Variants in LRRC8A observed in about 807,000 individuals in gnomAD.
LRRC8A encodes volume-regulated anion channel subunit LRRC8A.
LRRC8A carries 24 observed loss-of-function variants against 52.5 expected under a neutral mutation model. That is an observed-to-expected ratio of 0.46 (90% CI 0.33 to 0.64). LRRC8A has a LOEUF of 0.64. Ranked by LOEUF, LRRC8A falls within the 30% of genes least tolerant of loss-of-function variation. The probability of loss-of-function intolerance (pLI) is 0.02; values close to 1 mark genes in which losing one functional copy is unlikely to be tolerated. For synonymous variants in LRRC8A, 492 were observed against 494.2 expected (o/e 1.00, Z 0.06); for missense variants, 677 against 1,094.7 (o/e 0.62, Z 5.38).
intron 3 of LRRC8A, among the ~76,000 whole-genome samples, chr9:128,913,987 C>T (rs1840682620): frequency 6.6e-6 from 1 of 152,114 alleles, no homozygotes; most frequent in African/African-American, 2.4e-5. Context: ...GGCAGATCAC[C>T]TGAGGTCAGG....
chr9:128,902,796 G>A lies in LRRC8A; in HGVS notation c.-8-4361G>A, dbSNP rs1017606573. On this transcript the variant is annotated intron_variant, in intron 2 of 3. Transcript: ENST00000372600. The surrounding 1 kb of genome is among the most constrained non-coding windows in gnomAD (Gnocchi z 4.1). ...GACCCACCTGGTCATTAGAGGGCCCGGGCCTTCCTGTGGGGCGGGTGCTTG... is the reference window on the plus strand; with the variant it reads ...GACCCACCTGGTCATTAGAGGGCCCAGGCCTTCCTGTGGGGCGGGTGCTTG... Among the ~76,000 whole-genome samples the A allele has an allele frequency of 5.9e-5, 9 of 152,034 alleles. No individual in the cohort carries two copies. The highest frequency in any genetic ancestry group is 1.0e-4 in the Non-Finnish European group (7 of 67,986).
At chr9:128,913,938 C>T (rs1840679216) in intron 3 of LRRC8A, among the ~76,000 whole-genome samples, 1 of 152,190 alleles carries the variant, frequency 6.6e-6, no homozygotes, top group South Asian at 2.1e-4. Flanking sequence ...GGCATGGTGG[C>T]TCACGCCTGT....
In LRRC8A at chr9:128,903,412, CT is replaced by C. The variant is rs534139914; in HGVS notation, c.-8-3727del. Among the ~76,000 whole-genome samples, 551 of 132,438 alleles carry C rather than the reference CT, an allele frequency of 4.2e-3. 4 individuals carry two copies. Among genetic ancestry groups the C allele is most frequent in the African/African-American group, 0.01 (371 of 35,562 alleles). 86.9% of individuals were successfully genotyped at this position (132,438 alleles called of 152,430 possible). On this transcript the variant is annotated intron_variant, in intron 2 of 3. Transcript: ENST00000372600. ...TTGGCATTTGCAGAGAGGTGCTGTT[CT>C]TTTTTTTTTTTTTTTTTGAGTCGGC... is the stretch of plus-strand genomic sequence containing the variant.
At chr9:128,890,532 G>T (rs1288943644) in intron 2 of LRRC8A, among the ~76,000 whole-genome samples, 2 of 152,146 alleles carry the variant, frequency 1.3e-5, no homozygotes, top group Admixed American at 6.5e-5. Context: ...CGGGGGCGGT[G>T]GGCGGGAATC....
chr9:128,886,760 C>G (rs1839413096), intron 2 of LRRC8A, among the ~76,000 whole-genome samples: 1 of 152,184 alleles, frequency 6.6e-6, no homozygotes, highest in Admixed American at 6.6e-5. Flanking sequence ...GAGTGCATGT[C>G]CTAGAAGGTG....
chr9:128,916,101 G>C lies in LRRC8A; in HGVS notation c.2163G>C (p.Glu721Asp). The change falls in exon 4 of 4, where the codon GAG becomes GAC. Residue 721 changes from glutamate to aspartate, a missense_variant. Around this residue, in one of 4 missense-constraint regions of LRRC8A, gnomAD observed 169 missense variants for 217.6 expected, o/e 0.78. Transcript: ENST00000372600. The surrounding 1 kb of genome is among the most constrained non-coding windows in gnomAD (Gnocchi z 6.1). ...CCCTGCTTTTTTCCCTCCAGATCGAGACGCTCCCTCCGGAGCTCTTCCAGT... is the reference window on the plus strand; with the variant it reads ...CCCTGCTTTTTTCCCTCCAGATCGACACGCTCCCTCCGGAGCTCTTCCAGT... ...QNLAITANRI[E>D]TLPPELFQCR... 1 of 1,604,130 alleles carries C rather than the reference G, an allele frequency of 6.2e-7. No homozygotes were observed. The highest frequency in any genetic ancestry group is 1.7e-4 in the Middle Eastern group (1 of 6,030).
In LRRC8A at chr9:128,911,968, G is replaced by A. The variant is rs573232287; in HGVS notation, c.2157+2647G>A. Among the ~76,000 whole-genome samples the A allele has an allele frequency of 3.9e-5, 6 of 152,248 alleles. No individual in the cohort carries two copies. Among genetic ancestry groups the A allele is most frequent in the South Asian group, 2.1e-4 (1 of 4,832 alleles). On this transcript the variant is annotated intron_variant, in intron 3 of 3. Coordinates refer to ENST00000372600, the MANE Select transcript of LRRC8A (RefSeq NM_019594.4). This position sits in a 1 kb window ranked among gnomAD's most constrained non-coding sequence, Gnocchi z 4.9. ...CCAGTGGTGACCAGGAGGGGTGGGC[G>A]TGGCCTGCCCACGCCCTTGCGTGCT...
intron 3 of LRRC8A, among the ~76,000 whole-genome samples, chr9:128,915,164 A>G (rs1399745872): frequency 6.6e-6 from 1 of 152,158 alleles, no homozygotes; most frequent in East Asian, 1.9e-4. Flanking sequence ...GTCGTCTGTT[A>G]ACAGTAATTG....
At position 128,911,078 on chromosome 9, in the gene LRRC8A, G is replaced by C. The variant is rs745775165; in HGVS notation, c.2157+1757G>C. 1.3e-5 allele frequency among the ~76,000 whole-genome samples: 2 copies of C among 151,926 alleles called. No individual in the cohort carries two copies. Among genetic ancestry groups the C allele is most frequent in the Non-Finnish European group, 2.9e-5 (2 of 67,964 alleles). On this transcript the variant is annotated intron_variant, in intron 3 of 3. Coordinates refer to ENST00000372600, the MANE Select transcript of LRRC8A (RefSeq NM_019594.4). The surrounding 1 kb of genome is among the most constrained non-coding windows in gnomAD (Gnocchi z 4.9). ...CAGGCACGGAGGGAGGTGGCCCCTG[G>C]AATGCCCGGTCTGTCTATAGTATCC...
intron 1 of LRRC8A, chr9:128,885,341 T>C (rs1394639070): frequency 1.3e-5 from 2 of 152,248 alleles, no homozygotes; most frequent in Non-Finnish European, 2.9e-5. Context: ...GATCTCGCCA[T>C]GCCGAGCCCG....
At position 128,907,598 on chromosome 9, in the gene LRRC8A, A is replaced by G. The variant is rs772252221; in HGVS notation, c.434A>G (p.Lys145Arg). ...CTGGCCTGCAGCAACTTCTGGTTCA[A>G]ATTCCCGCGCACCAGCTCGAAGCTG... The part of the protein sequence containing the change: ...IFLACSNFWF[K>R]FPRTSSKLEH... The change falls in exon 3 of 4, where the codon AAA (lysine) becomes AGA (arginine). Residue 145 changes from lysine to arginine, a missense_variant. Physicochemically the swap from Lys to Arg is conservative, Grantham distance 26. Around this residue, in one of 4 missense-constraint regions of LRRC8A, gnomAD observed 422 missense variants for 741.5 expected, o/e 0.57. Coordinates refer to ENST00000372600, the MANE Select transcript of LRRC8A (RefSeq NM_019594.4). The surrounding 1 kb of genome is among the most constrained non-coding windows in gnomAD (Gnocchi z 9.3). 1 of 1,614,128 alleles carries G rather than the reference A, an allele frequency of 6.2e-7. No homozygotes were observed. The highest frequency in any genetic ancestry group is 8.5e-7 in the Non-Finnish European group (1 of 1,180,024).
chr9:128,895,232 G>A (rs1364430428), intron 2 of LRRC8A, among the ~76,000 whole-genome samples: 1 of 151,990 alleles, frequency 6.6e-6, no homozygotes, highest in African/African-American at 2.4e-5. Context: ...ATTTAAAGTT[G>A]TAGAAGCTCG....
rs968436021 is a variant in LRRC8A, at chr9:128,917,326, T to G, written c.*955T>G. The G allele has an allele frequency of 1.3e-5, 2 of 152,746 alleles. No individual in the cohort carries two copies. Among genetic ancestry groups the G allele is most frequent in the African/African-American group, 4.8e-5 (2 of 41,554 alleles). The allele number at this position is 152,746 out of a possible 1,614,324, so 9.5% of individuals were successfully genotyped here. ...TTTTTGTTTGTTTTTTGGGTTTTTTTGGTGTCTTGTTTTCTTTCTCCTCCA... is the reference window on the plus strand; with the variant it reads ...TTTTTGTTTGTTTTTTGGGTTTTTTGGGTGTCTTGTTTTCTTTCTCCTCCA... On this transcript the variant is annotated 3_prime_UTR_variant, in exon 4 of 4. Transcript: ENST00000372600.
rs986158748 is a variant in LRRC8A, at chr9:128,916,222, C to T, written c.2284C>T (p.Arg762Trp). 4.3e-6 allele frequency: 7 copies of T among 1,613,476 alleles called. No homozygotes were observed. The highest frequency in any genetic ancestry group is 4.0e-5 in the African/African-American group (3 of 74,950). ...ELTNLTQIEL[R>W]GNRLECLPVE... ...GACCAACCTGACGCAGATCGAGCTG[C>T]GGGGCAACCGGCTGGAGTGCCTGCC... Residue 762 changes from arginine (R) to tryptophan (W), a missense_variant, in exon 4 of 4, where the codon CGG becomes TGG. Arg to Trp is a moderately radical substitution (Grantham distance 101, BLOSUM62 -3). This residue lies in a region of LRRC8A where 169 missense variants were observed against 217.6 expected (regional missense o/e 0.78). Coordinates refer to ENST00000372600, the MANE Select transcript of LRRC8A (RefSeq NM_019594.4). The surrounding 1 kb of genome is among the most constrained non-coding windows in gnomAD (Gnocchi z 6.1).
chr9:128,892,762 C>T lies in LRRC8A; in HGVS notation c.-9+6641C>T, dbSNP rs1309848103. On this transcript the variant is annotated intron_variant, in intron 2 of 3. Coordinates refer to ENST00000372600, the MANE Select transcript of LRRC8A (RefSeq NM_019594.4). The surrounding 1 kb of genome is among the most constrained non-coding windows in gnomAD (Gnocchi z 5.2). ...CAGATCCACAGGCTTGGAACCCTCC[C>T]GGGACAGGGCCTGTTGAGAGCGGCC... 6.6e-6 allele frequency among the ~76,000 whole-genome samples: 1 copy of T among 152,178 alleles called. No individual in the cohort carries two copies. The highest frequency in any genetic ancestry group is 2.4e-5 in the African/African-American group (1 of 41,442).
intron 1 of LRRC8A, among the ~76,000 whole-genome samples, chr9:128,884,087 C>T (rs187281671): frequency 1.3e-5 from 2 of 152,270 alleles, no homozygotes; most frequent in African/African-American, 4.8e-5. Flanking sequence ...ACCAGGAAGC[C>T]GTTTCCTTTG....
In LRRC8A at chr9:128,916,078, C is replaced by T; in HGVS notation, c.2158-18C>T. 1 of 1,588,410 alleles carries T rather than the reference C, an allele frequency of 6.3e-7. No homozygotes were observed. Among genetic ancestry groups the T allele is most frequent in the Non-Finnish European group, 8.6e-7 (1 of 1,163,044 alleles). ...GCCCACACCCACCTCACTCTCACCCCTGCTTTTTTCCCTCCAGATCGAGAC... is the reference window on the plus strand; with the variant it reads ...GCCCACACCCACCTCACTCTCACCCTTGCTTTTTTCCCTCCAGATCGAGAC... On this transcript the variant is annotated intron_variant, in intron 3 of 3. Transcript: ENST00000372600. This position sits in a 1 kb window ranked among gnomAD's most constrained non-coding sequence, Gnocchi z 6.1.
At chr9:128,883,587 G>A (rs1337691604) in intron 1 of LRRC8A, among the ~76,000 whole-genome samples, 1 of 152,222 alleles carries the variant, frequency 6.6e-6, no homozygotes, top group African/African-American at 2.4e-5. Flanking sequence ...ATGAGTGACT[G>A]GGTGGCTGGT....
chr9:128,898,528 G>C (rs1353434079), intron 2 of LRRC8A, among the ~76,000 whole-genome samples: 1 of 152,244 alleles, frequency 6.6e-6, no homozygotes, highest in Non-Finnish European at 1.5e-5. Flanking sequence ...CTGAAGTCAG[G>C]GTTGCTCTGG....
Sources: allele counts gnomAD v4.1 joint callset (sites outside exome capture counted in the v4.1 genomes callset), GRCh38; gene constraint gnomAD v4.1.1; regional missense constraint gnomAD v4.1.1; non-coding constraint Gnocchi (gnomAD v3.1); transcripts MANE v1.5; gene names NCBI Gene and HGNC (gene_info 2026-07-23, HGNC 2026-07-21).